FOXP1: variants seen among roughly 807,000 people sequenced by gnomAD.
FOXP1 encodes the protein forkhead box P1.
Under a neutral mutation model 98.2 loss-of-function variants are expected in FOXP1, and 15 were observed. The observed-to-expected ratio is 0.15, with a 90% CI of 0.10 to 0.24. FOXP1 has a LOEUF of 0.24. Among genes scored for constraint, FOXP1 ranks in the 10% least tolerant of loss-of-function variants. FOXP1 has a pLI of 1.00. For missense variants in FOXP1, 633 were observed against 848.5 expected (o/e 0.75, Z 3.15); for synonymous variants, 371 against 314.5 (o/e 1.18, Z -1.90).
At chr3:71,506,336 T>C (rs1168811379) in intron 2 of FOXP1, among the ~76,000 whole-genome samples, 1 of 152,122 alleles carries the variant, frequency 6.6e-6, no homozygotes, top group Non-Finnish European at 1.5e-5. Context: ...GGTTTGAAGA[T>C]TAAGTGGGAT....
At chr3:71,020,222 T>C (rs1291695412) in intron 11 of FOXP1, among the ~76,000 whole-genome samples, 3 of 152,186 alleles carry the variant, frequency 2.0e-5, no homozygotes, top group African/African-American at 7.2e-5. Context: ...CCAACTTGCA[T>C]GAAAAGTATA....
chr3:71,350,620 C>T (rs1338578118), intron 4 of FOXP1, among the ~76,000 whole-genome samples: 1 of 152,154 alleles, frequency 6.6e-6, no homozygotes, highest in Non-Finnish European at 1.5e-5. Flanking sequence ...TTCTGAGGCA[C>T]AGCCCACTCT....
Position 71,198,331 on chromosome 3 carries a change from C to A in FOXP1, c.51G>T (p.Gln17His). Reference protein sequence around the residue: ...TETKSNGSAIQNGSGGSNHLL... With the variant: ...TETKSNGSAIHNGSGGSNHLL... ...AGTGGTTGCTGCCGCCCGACCCATT[C>A]TGGATGGCTGAACCGTTACTTTTTG... The change falls in exon 6 of 21, where the codon CAG (glutamine) becomes CAT (histidine). Residue 17 changes from glutamine (Q) to histidine (H), a missense_variant. Transcript: ENST00000649528. The A allele has an allele frequency of 6.2e-7, 1 of 1,604,672 alleles. No homozygotes were observed. The highest frequency in any genetic ancestry group is 1.1e-5 in the South Asian group (1 of 90,860).
chr3:71,507,118 T>C (rs2041882315), intron 2 of FOXP1, among the ~76,000 whole-genome samples: 1 of 152,138 alleles, frequency 6.6e-6, no homozygotes, highest in African/African-American at 2.4e-5. Flanking sequence ...GGTACCAGAT[T>C]TGGGTCAGCG....
rs374712716 is a variant in FOXP1 at position 71,495,344 on chromosome 3, C to T, written c.-297-1789G>A. Among the ~76,000 whole-genome samples the T allele has an allele frequency of 2.8e-4, 43 of 152,310 alleles. No homozygotes were observed. In the South Asian group the frequency reaches 6.2e-3, roughly 22 times the overall value. ...TCCTATGTGCTTACTTCAGAGCTTTCGCCCTGATCTATTTGCTCATTTGTC... is the reference window on the plus strand; with the variant it reads ...TCCTATGTGCTTACTTCAGAGCTTTTGCCCTGATCTATTTGCTCATTTGTC... On this transcript the variant is annotated intron_variant, in intron 2 of 20. Transcript: ENST00000649528.
intron 3 of FOXP1, among the ~76,000 whole-genome samples, chr3:71,455,977 C>A (rs1263421571): frequency 6.6e-6 from 1 of 152,108 alleles, no homozygotes; most frequent in Non-Finnish European, 1.5e-5. Flanking sequence ...AATTTGACTA[C>A]ATTAATAACA....
chr3:71,100,022 A>G (rs1051347044), intron 7 of FOXP1, among the ~76,000 whole-genome samples: 1 of 152,242 alleles, frequency 6.6e-6, no homozygotes, highest in Admixed American at 6.5e-5. Flanking sequence ...AGAGTCTATT[A>G]GACTTCCCAG....
intron 6 of FOXP1, among the ~76,000 whole-genome samples, chr3:71,159,721 ATTTCCTACC>A (rs2108130434): frequency 6.6e-6 from 1 of 152,258 alleles, no homozygotes; most frequent in African/African-American, 2.4e-5. Flanking sequence ...CTAATATTCC[ATTTCCTACC>A]TTACAAGAGG....
intron 4 of FOXP1, among the ~76,000 whole-genome samples, chr3:71,322,661 G>A (rs1320422434): frequency 6.6e-6 from 1 of 152,138 alleles, no homozygotes; most frequent in Non-Finnish European, 1.5e-5. Flanking sequence ...AACTATTCTT[G>A]GTGACCGGCA....
intron 7 of FOXP1, among the ~76,000 whole-genome samples, chr3:71,054,825 T>C (rs564899390): frequency 1.3e-5 from 2 of 152,192 alleles, no homozygotes; most frequent in East Asian, 1.9e-4. Context: ...TATTTAAGCA[T>C]CTTACTTTTC....
chr3:71,529,281 T>C (rs1469933426), intron 2 of FOXP1, among the ~76,000 whole-genome samples: 1 of 152,250 alleles, frequency 6.6e-6, no homozygotes, highest in African/African-American at 2.4e-5. Flanking sequence ...GATAGTTCAA[T>C]TTGAGTCAAA....
chr3:71,161,084 G>A (rs996395245), intron 6 of FOXP1, among the ~76,000 whole-genome samples: 2 of 152,182 alleles, frequency 1.3e-5, no homozygotes, highest in Non-Finnish European at 2.9e-5. Flanking sequence ...TGAGTCACAC[G>A]TGCCTGACAT....
chr3:71,498,883 A>T (rs576699011), intron 2 of FOXP1, among the ~76,000 whole-genome samples: 11 of 152,202 alleles, frequency 7.2e-5, no homozygotes, highest in Non-Finnish European at 1.6e-4. Flanking sequence ...TCCGGGCACC[A>T]TCCTTTGAGA....
At chr3:71,151,128 A>C (rs1211752738) in intron 6 of FOXP1, among the ~76,000 whole-genome samples, 1 of 152,198 alleles carries the variant, frequency 6.6e-6, no homozygotes, top group Admixed American at 6.5e-5. Context: ...AGAGCCAGTT[A>C]TTTAACTCAT....
At chr3:71,441,608 G>C (rs2085950758) in intron 3 of FOXP1, among the ~76,000 whole-genome samples, 1 of 152,216 alleles carries the variant, frequency 6.6e-6, no homozygotes, top group African/African-American at 2.4e-5. Flanking sequence ...TGGAGAGGTT[G>C]AGGAATGTGT....
intron 4 of FOXP1, among the ~76,000 whole-genome samples, chr3:71,350,393 G>A (rs987557895): frequency 1.3e-5 from 2 of 152,006 alleles, no homozygotes; most frequent in African/African-American, 2.4e-5. Context: ...CAATCAAAAC[G>A]CACAATACAC....
At chr3:71,371,216 C>T (rs567698460) in intron 3 of FOXP1, among the ~76,000 whole-genome samples, 4 of 152,324 alleles carry the variant, frequency 2.6e-5, no homozygotes, top group African/African-American at 9.6e-5. Context: ...TGCTCTGAAG[C>T]ACTGTGCTTC....
intron 3 of FOXP1, among the ~76,000 whole-genome samples, chr3:71,400,712 AT>A (rs1188780666): frequency 2.0e-5 from 3 of 152,072 alleles, no homozygotes; most frequent in Non-Finnish European, 4.4e-5. Flanking sequence ...AGAACCTCAC[AT>A]TTTCAAAAGA....
intron 4 of FOXP1, among the ~76,000 whole-genome samples, chr3:71,342,167 C>CT (rs1415954662): frequency 4.6e-5 from 7 of 152,212 alleles, no homozygotes; most frequent in Non-Finnish European, 1.0e-4. Context: ...TCCATGTACA[C>CT]ATCAGGAATT....
Sources: gnomAD v4.1 joint callset for allele counts (sites outside exome capture counted in the v4.1 genomes callset) on GRCh38, gnomAD v4.1.1 for gene constraint, MANE v1.5 for transcripts, NCBI Gene and HGNC (gene_info 2026-07-23, HGNC 2026-07-21) for gene names.